The following KCNQ1OT1 variants were observed in gnomAD, a reference collection of about 807,000 sequenced individuals.
KCNQ1OT1 encodes KCNQ1 opposite strand/antisense transcript 1, also known as KCNQ1 antisense RNA 2 (non-protein coding).
chr11:2,634,335 C>A (rs1172177831), exon 1 of KCNQ1OT1: 10 of 262,278 alleles, frequency 3.8e-5, no homozygotes, highest in African/African-American at 1.2e-4. Flanking sequence ...CCTCCCCCCC[C>A]ACCCCACAAC....
chr11:2,610,010 ATATTAT>A (rs906772374), exon 1 of KCNQ1OT1: 7 of 397,806 alleles, frequency 1.8e-5, no homozygotes, highest in African/African-American at 1.4e-4. Context: ...TTCACATTTA[ATATTAT>A]TATTGATATA....
rs1016353409 is a variant in KCNQ1OT1 at position 2,690,180 on chromosome 11, C to T, written n.9815G>A. 3 of 398,712 alleles carry T rather than the reference C, an allele frequency of 7.5e-6. No individual in the cohort carries two copies. Among genetic ancestry groups the T allele is most frequent in the African/African-American group, 4.1e-5 (2 of 48,658 alleles). 24.7% of individuals were successfully genotyped at this position (398,712 alleles called of 1,614,324 possible). On this transcript the variant is annotated non_coding_transcript_exon_variant, in exon 1 of 1. Transcript: ENST00000597346. This position sits in a 1 kb window ranked among gnomAD's most constrained non-coding sequence, Gnocchi z 5.1. ...ATGACAGGATGTGGAAGGCTGGTCT[C>T]TCCAGAGACTGGGCTAAACTCTGCT...
exon 1 of KCNQ1OT1, chr11:2,680,206 TAAAAAAAA>T (rs139249507): frequency 5.5e-6 from 2 of 362,348 alleles, no homozygotes; most frequent in Admixed American, 5.1e-5. Context: ...CTTGCCTAAT[TAAAAAAAA>T]AAAAAAAAAA....
chr11:2,651,527 T>C lies in KCNQ1OT1; in HGVS notation n.48468A>G. The C allele has an allele frequency of 2.5e-6, 1 of 398,642 alleles. No homozygotes were observed. Among genetic ancestry groups the C allele is most frequent in the Non-Finnish European group, 4.4e-6 (1 of 226,080 alleles). 24.7% of individuals were successfully genotyped at this position (398,642 alleles called of 1,614,324 possible). A position where few individuals can be genotyped will look rare whatever the true frequency, so the allele number is the denominator to read the frequency against. ...GTGAAGAACGTGAATGCTAAGGGCA[T>C]ATGAGTGTGTCCCTGAGAACATGGA... is the stretch of plus-strand genomic sequence containing the variant. On this transcript the variant is annotated non_coding_transcript_exon_variant, in exon 1 of 1. Transcript: ENST00000597346. This position sits in a 1 kb window ranked among gnomAD's most constrained non-coding sequence, Gnocchi z 6.1.
exon 1 of KCNQ1OT1, chr11:2,639,259 G>C (rs1253931703): frequency 6.6e-6 from 1 of 152,204 alleles, no homozygotes; most frequent in Non-Finnish European, 1.5e-5. Context: ...GCTGGCGAGT[G>C]GCTGCGTTCC....
rs1484071977 is a variant in KCNQ1OT1, at chr11:2,674,438, G to C, written n.25557C>G. Reference sequence around the variant, plus strand: ...CCGCGCGCACACGACCACAGAGGCTGGGGGGAGGCACGTGGGGAGGAGGGC... The same window carrying C: ...CCGCGCGCACACGACCACAGAGGCTCGGGGGAGGCACGTGGGGAGGAGGGC... On this transcript the variant is annotated non_coding_transcript_exon_variant, in exon 1 of 1. Transcript: ENST00000597346. This position sits in a 1 kb window ranked among gnomAD's most constrained non-coding sequence, Gnocchi z 5.9. 5.0e-6 allele frequency: 2 copies of C among 398,528 alleles called. No homozygotes were observed. The allele number at this position is 398,528 out of a possible 1,614,324, so 24.7% of individuals were successfully genotyped here.
chr11:2,644,650 G>A, exon 1 of KCNQ1OT1: 1 of 398,548 alleles, frequency 2.5e-6, no homozygotes, highest in Non-Finnish European at 4.4e-6. Flanking sequence ...ACTGGTATCT[G>A]CACATCTGGT....
chr11:2,613,175 C>T lies in KCNQ1OT1; in HGVS notation n.86820G>A, dbSNP rs1459884512. On this transcript the variant is annotated non_coding_transcript_exon_variant, in exon 1 of 1. Coordinates refer to ENST00000597346, the Ensembl canonical transcript of KCNQ1OT1. The surrounding 1 kb of genome is among the most constrained non-coding windows in gnomAD (Gnocchi z 4.8). ...TGTGTGGGTTGGGACATTCAAAGTT[C>T]AGGCACTTTATAACTCTGTCCTGTA... 2 of 398,418 alleles carry T rather than the reference C, an allele frequency of 5.0e-6. No individual in the cohort carries two copies. 24.7% of individuals were successfully genotyped at this position (398,418 alleles called of 1,614,324 possible). A position where few individuals can be genotyped will look rare whatever the true frequency, so the allele number is the denominator to read the frequency against.
Position 2,652,780 on chromosome 11 carries a change from C to G in KCNQ1OT1, n.47215G>C, listed in dbSNP as rs145116772. The stretch of plus-strand genomic sequence containing the variant: ...CACTGCCTGTCTTCCTCAGCGCCCC[C>G]GCTACTCAGACCCCACCCTTGGGCC... On this transcript the variant is annotated non_coding_transcript_exon_variant, in exon 1 of 1. Coordinates refer to ENST00000597346, the Ensembl canonical transcript of KCNQ1OT1. This position sits in a 1 kb window ranked among gnomAD's most constrained non-coding sequence, Gnocchi z 5.9. The G allele has an allele frequency of 2.5e-6, 1 of 399,056 alleles. No individual in the cohort carries two copies. The highest frequency in any genetic ancestry group is 3.6e-5 in the East Asian group (1 of 28,098). The allele number at this position is 399,056 out of a possible 1,614,324, so 24.7% of individuals were successfully genotyped here.
At chr11:2,625,178 A>C in exon 1 of KCNQ1OT1, 1 of 398,662 alleles carries the variant, frequency 2.5e-6, no homozygotes, top group Non-Finnish European at 4.4e-6. Flanking sequence ...AGGCTGTACC[A>C]TTTTGCATTC....
chr11:2,643,157 G>T (rs1002439195), exon 1 of KCNQ1OT1: 7 of 398,148 alleles, frequency 1.8e-5, no homozygotes, highest in Non-Finnish European at 3.1e-5. Flanking sequence ...GAACTGGTCT[G>T]TAAATGTCTG....
rs879214037 is a variant in KCNQ1OT1 at position 2,682,563 on chromosome 11, A to G, written n.17432T>C. ...ACCCTGGCAGGGGTTCCATAAGGCT[A>G]TGCTGGGGTTCAGGCAACCCAAGGC... On this transcript the variant is annotated non_coding_transcript_exon_variant, in exon 1 of 1. Transcript: ENST00000597346. This position sits in a 1 kb window ranked among gnomAD's most constrained non-coding sequence, Gnocchi z 5.8. The G allele has an allele frequency of 7.5e-6, 3 of 398,468 alleles. No homozygotes were observed. The highest frequency in any genetic ancestry group is 2.1e-5 in the African/African-American group (1 of 48,610). 24.7% of individuals were successfully genotyped at this position (398,468 alleles called of 1,614,324 possible). A position where few individuals can be genotyped will look rare whatever the true frequency, so the allele number is the denominator to read the frequency against.
exon 1 of KCNQ1OT1, chr11:2,692,742 C>A: frequency 2.5e-6 from 1 of 398,676 alleles, no homozygotes; most frequent in South Asian, 1.3e-4. Context: ...CTATCAAATC[C>A]CTCCCTCTGG....
chr11:2,690,534 G>GC lies in KCNQ1OT1; in HGVS notation n.9460dup, dbSNP rs1850571488. On this transcript the variant is annotated non_coding_transcript_exon_variant, in exon 1 of 1. Coordinates refer to ENST00000597346, the Ensembl canonical transcript of KCNQ1OT1. This position sits in a 1 kb window ranked among gnomAD's most constrained non-coding sequence, Gnocchi z 5.1. ...CCTATCACAAAGAAAGTGCCACTGG[G>GC]CCTAGGGAAGGACAAGAAGTAACAT... 1 of 398,590 alleles carries GC rather than the reference G, an allele frequency of 2.5e-6. No individual in the cohort carries two copies. The highest frequency in any genetic ancestry group is 4.4e-6 in the Non-Finnish European group (1 of 226,112). The allele number at this position is 398,590 out of a possible 1,614,324, so 24.7% of individuals were successfully genotyped here. A position where few individuals can be genotyped will look rare whatever the true frequency, so the allele number is the denominator to read the frequency against.
exon 1 of KCNQ1OT1, chr11:2,697,659 T>C (rs908682210): frequency 2.5e-6 from 1 of 398,628 alleles, no homozygotes; most frequent in Non-Finnish European, 4.4e-6. Flanking sequence ...AGCCTCTTAA[T>C]GTGAATTACA....
rs1001388681 is a variant in KCNQ1OT1 at position 2,661,313 on chromosome 11, G to A, written n.38682C>T. The A allele has an allele frequency of 2.5e-6, 1 of 401,568 alleles. No individual in the cohort carries two copies. The highest frequency in any genetic ancestry group is 4.4e-6 in the Non-Finnish European group (1 of 227,762). 24.9% of individuals were successfully genotyped at this position (401,568 alleles called of 1,614,324 possible). ...ACTGATAGTGTCAACAGAGAGTGGGGAGTGATAAGGATCAGTATCCTGAGC... is the reference window on the plus strand; with the variant it reads ...ACTGATAGTGTCAACAGAGAGTGGGAAGTGATAAGGATCAGTATCCTGAGC... On this transcript the variant is annotated non_coding_transcript_exon_variant, in exon 1 of 1. Coordinates refer to ENST00000597346, the Ensembl canonical transcript of KCNQ1OT1. This position sits in a 1 kb window ranked among gnomAD's most constrained non-coding sequence, Gnocchi z 5.9.
exon 1 of KCNQ1OT1, chr11:2,634,990 G>A (rs1458936145): frequency 6.6e-6 from 1 of 152,194 alleles, no homozygotes; most frequent in African/African-American, 2.4e-5. Flanking sequence ...CTTTTGAGAA[G>A]TGTCTGTTCA....
chr11:2,677,112 T>C lies in KCNQ1OT1; in HGVS notation n.22883A>G, dbSNP rs1850307233. The C allele has an allele frequency of 2.5e-6, 1 of 398,646 alleles. No individual in the cohort carries two copies. Among genetic ancestry groups the C allele is most frequent in the Non-Finnish European group, 4.4e-6 (1 of 226,066 alleles). 24.7% of individuals were successfully genotyped at this position (398,646 alleles called of 1,614,324 possible). A position where few individuals can be genotyped will look rare whatever the true frequency, so the allele number is the denominator to read the frequency against. On this transcript the variant is annotated non_coding_transcript_exon_variant, in exon 1 of 1. Transcript: ENST00000597346. The surrounding 1 kb of genome is among the most constrained non-coding windows in gnomAD (Gnocchi z 4.5). ...CTACTGAAATGACCACTTATGAAAT[T>C]AGTTTCCCTGAAACATCCCTCCCTA...
exon 1 of KCNQ1OT1, chr11:2,655,614 C>T (rs984957306): frequency 7.5e-6 from 3 of 398,752 alleles, no homozygotes; most frequent in South Asian, 2.5e-4. Context: ...GGGCACAGCA[C>T]TTGCCCTCAA....
Sources: gnomAD v4.1 joint callset for allele counts on GRCh38, gnomAD v4.1.1 for gene constraint, Gnocchi (gnomAD v3.1) non-coding constraint, MANE v1.5 for transcripts, NCBI Gene and HGNC (gene_info 2026-07-23, HGNC 2026-07-21) for gene names.